The following CTNNA2 variants were observed in gnomAD, a reference collection of about 807,000 sequenced individuals.
The protein encoded by CTNNA2 is catenin alpha 2.
In CTNNA2, 42 loss-of-function variants were observed where a neutral mutation model predicts 101.0. The observed-to-expected ratio is 0.42, with a 90% CI of 0.32 to 0.54. The LOEUF (loss-of-function observed/expected upper bound fraction) is 0.54. CTNNA2 is among the 20% of genes least tolerant of loss of function. CTNNA2 has a pLI of 0.14. For synonymous variants in CTNNA2, 450 were observed against 456.4 expected (o/e 0.99, Z 0.18); for missense variants, 871 against 1,223.1 (o/e 0.71, Z 4.29).
chr2:79,299,889 T>C (rs529957532), intron 2 of CTNNA2, among the ~76,000 whole-genome samples: 18 of 152,342 alleles, frequency 1.2e-4, no homozygotes, highest in African/African-American at 4.1e-4. Context: ...GGTGAAAATA[T>C]GCATTTTAAA....
At chr2:80,055,003 T>C (rs1697126456) in intron 7 of CTNNA2, among the ~76,000 whole-genome samples, 1 of 152,132 alleles carries the variant, frequency 6.6e-6, no homozygotes, top group Non-Finnish European at 1.5e-5. Context: ...TTTATGACCC[T>C]GATTTTTGGT....
intron 4 of CTNNA2, among the ~76,000 whole-genome samples, chr2:79,389,400 CT>C (rs1678141574): frequency 6.6e-6 from 1 of 152,174 alleles, no homozygotes; most frequent in Admixed American, 6.6e-5. Context: ...AAATTAACTA[CT>C]GCACTTCACA....
chr2:79,370,860 G>A (rs1166024308), intron 3 of CTNNA2, among the ~76,000 whole-genome samples: 1 of 152,124 alleles, frequency 6.6e-6, no homozygotes, highest in Non-Finnish European at 1.5e-5. Context: ...CCTTTTGAGT[G>A]ACTGGTGGGA....
chr2:80,036,840 TGTGTGTGTGAGAGAGAGA>T (rs1695690634), intron 7 of CTNNA2, among the ~76,000 whole-genome samples: 2 of 78,210 alleles, frequency 2.6e-5, no homozygotes, highest in African/African-American at 8.6e-5. Context: ...TGTGTGTGTG[TGTGTGTGTGAGAGAGAGA>T]GAGAGAGAGA....
At chr2:79,321,021 A>C (rs917440017) in intron 3 of CTNNA2, among the ~76,000 whole-genome samples, 5 of 152,210 alleles carry the variant, frequency 3.3e-5, no homozygotes, top group African/African-American at 1.2e-4. Flanking sequence ...TCAAGGTCAT[A>C]ATTGTAGATA....
intron 3 of CTNNA2, among the ~76,000 whole-genome samples, chr2:79,751,450 G>A (rs1672027477): frequency 6.6e-6 from 1 of 151,932 alleles, no homozygotes; most frequent in African/African-American, 2.4e-5. Context: ...AAAATAATTA[G>A]CAGGGTGTGG....
At chr2:80,092,837 G>C (rs1161151338) in intron 7 of CTNNA2, among the ~76,000 whole-genome samples, 1 of 151,944 alleles carries the variant, frequency 6.6e-6, no homozygotes, top group Non-Finnish European at 1.5e-5. Flanking sequence ...AATAAACTTA[G>C]ATGATTTGAA....
intron 2 of CTNNA2, among the ~76,000 whole-genome samples, chr2:79,273,930 TG>T (rs1465537571): frequency 6.6e-6 from 1 of 151,978 alleles, no homozygotes; most frequent in Non-Finnish European, 1.5e-5. Context: ...CCGCTCTTTG[TG>T]GTCTGAGATC....
intron 1 of CTNNA2, among the ~76,000 whole-genome samples, chr2:79,586,601 A>T (rs1350868712): frequency 6.6e-6 from 1 of 151,512 alleles, no homozygotes; most frequent in Non-Finnish European, 1.5e-5. Flanking sequence ...AACCATTCAC[A>T]TCATGCTATC....
intron 2 of CTNNA2, among the ~76,000 whole-genome samples, chr2:79,246,468 A>T (rs1290011769): frequency 6.6e-6 from 1 of 152,190 alleles, no homozygotes; most frequent in Non-Finnish European, 1.5e-5. Context: ...CCACCTGCGA[A>T]ACTGTCATGC....
At position 80,622,017 on chromosome 2, in the gene CTNNA2, C is replaced by T. The variant is rs111936398; in HGVS notation, c.2574+2789C>T. On this transcript the variant is annotated intron_variant, in intron 18 of 18. Coordinates refer to ENST00000402739, the MANE Select transcript of CTNNA2 (RefSeq NM_001282597.3). ...GGGAAGCGTTCCAGGTCTTCAAGAC[C>T]ACAGAATTGTAAATGGAGCTGAAGA... Among the ~76,000 whole-genome samples, 830 of 151,952 alleles carry T rather than the reference C, an allele frequency of 5.5e-3. 6 individuals are homozygous for T. The highest frequency in any genetic ancestry group is 0.018 in the African/African-American group (763 of 41,484).
At chr2:79,273,168 A>G (rs551161672) in intron 2 of CTNNA2, among the ~76,000 whole-genome samples, 230 of 152,158 alleles carry the variant, frequency 1.5e-3, no homozygotes, top group Non-Finnish European at 2.8e-3. Flanking sequence ...TACTGATATA[A>G]TATTTATTTT....
intron 7 of CTNNA2, among the ~76,000 whole-genome samples, chr2:79,992,542 A>G (rs997039182): frequency 6.6e-6 from 1 of 152,204 alleles, no homozygotes; most frequent in East Asian, 1.9e-4. Flanking sequence ...AAATCTGCAA[A>G]GGTCACTGTG....
At chr2:80,295,203 T>A (rs1675632806) in intron 7 of CTNNA2, among the ~76,000 whole-genome samples, 4 of 150,496 alleles carry the variant, frequency 2.7e-5, no homozygotes, top group African/African-American at 9.8e-5. Flanking sequence ...ATGTAGTATG[T>A]CATTTTGAGA....
intron 7 of CTNNA2, among the ~76,000 whole-genome samples, chr2:80,131,526 G>T (rs1702414261): frequency 6.6e-6 from 1 of 152,046 alleles, no homozygotes; most frequent in Non-Finnish European, 1.5e-5. Context: ...GTTCTTAGAG[G>T]GGATTTTTAT....
At chr2:80,132,105 A>C (rs2148896052) in intron 7 of CTNNA2, among the ~76,000 whole-genome samples, 1 of 152,232 alleles carries the variant, frequency 6.6e-6, no homozygotes, top group East Asian at 1.9e-4. Context: ...ATATAAATAT[A>C]TCTTGTGCAG....
chr2:80,522,555 A>G (rs188781971), intron 9 of CTNNA2, among the ~76,000 whole-genome samples: 358 of 152,188 alleles, frequency 2.4e-3, no homozygotes, highest in African/African-American at 7.9e-3. Flanking sequence ...TCTATCCTGG[A>G]GATTTTTGTC....
intron 9 of CTNNA2, among the ~76,000 whole-genome samples, chr2:80,465,055 T>C (rs1684742512): frequency 6.6e-6 from 1 of 152,190 alleles, no homozygotes; most frequent in African/African-American, 2.4e-5. Context: ...CCCTGCTCCA[T>C]TGGGATGAGA....
chr2:79,254,048 G>A (rs143996714), intron 2 of CTNNA2, among the ~76,000 whole-genome samples: 68 of 152,216 alleles, frequency 4.5e-4, no homozygotes, highest in Middle Eastern at 3.4e-3. Flanking sequence ...CGTCTCCCAC[G>A]GACTTTTTAA....
Sources: allele counts gnomAD v4.1 joint callset (sites outside exome capture counted in the v4.1 genomes callset), GRCh38; gene constraint gnomAD v4.1.1; transcripts MANE v1.5; gene names NCBI Gene and HGNC (gene_info 2026-07-23, HGNC 2026-07-21).